Variants in CHCHD6 observed in about 807,000 individuals in gnomAD.
The protein encoded by CHCHD6 is MICOS complex subunit MIC25.
In CHCHD6, 28 loss-of-function variants were observed where a neutral mutation model predicts 32.3. That is an observed-to-expected ratio of 0.87 (90% confidence interval 0.64 to 1.19). The LOEUF (loss-of-function observed/expected upper bound fraction) is 1.19. Ranked by LOEUF, CHCHD6 falls within the 50% of genes most tolerant of loss-of-function variation. The pLI is 0.00. For synonymous variants in CHCHD6, 122 were observed against 117.5 expected (o/e 1.04, Z -0.25); for missense variants, 333 against 307.0 (o/e 1.08, Z -0.63).
At chr3:126,920,941 A>G (rs533987328) in intron 6 of CHCHD6, among the ~76,000 whole-genome samples, 97 of 152,104 alleles carry the variant, frequency 6.4e-4, no homozygotes, top group Non-Finnish European at 1.2e-3. Context: ...ATGCCTTCCC[A>G]CAGATTTTTT....
chr3:126,913,212 T>C (rs2078120429), intron 5 of CHCHD6, among the ~76,000 whole-genome samples: 1 of 21,896 alleles, frequency 4.6e-5, no homozygotes. Flanking sequence ...TGAGCCTTTT[T>C]TTTTTTTTTT....
intron 5 of CHCHD6, among the ~76,000 whole-genome samples, chr3:126,863,905 T>A (rs1333748025): frequency 8.4e-6 from 1 of 119,010 alleles, no homozygotes; most frequent in Non-Finnish European, 1.7e-5. Flanking sequence ...CATCAACACC[T>A]CCTCCTCCTC....
chr3:126,753,185 A>ATT (rs1015709791), intron 4 of CHCHD6, among the ~76,000 whole-genome samples: 1 of 151,734 alleles, frequency 6.6e-6, no homozygotes, highest in Non-Finnish European at 1.5e-5. Context: ...AGCCAAGGGG[A>ATT]TTTTTTCAGG....
At chr3:126,904,415 A>T (rs746463573) in intron 5 of CHCHD6, among the ~76,000 whole-genome samples, 17 of 152,206 alleles carry the variant, frequency 1.1e-4, no homozygotes, top group Non-Finnish European at 2.1e-4. Flanking sequence ...TTCTGGGATG[A>T]TGCTCAGCAC....
intron 4 of CHCHD6, among the ~76,000 whole-genome samples, chr3:126,798,512 C>T (rs545320516): frequency 5.3e-5 from 8 of 152,158 alleles, no homozygotes; most frequent in Non-Finnish European, 8.8e-5. Context: ...TTCTTTTCCC[C>T]GCTGTTTTTC....
At chr3:126,942,106 C>G (rs2078569466) in intron 6 of CHCHD6, among the ~76,000 whole-genome samples, 1 of 152,156 alleles carries the variant, frequency 6.6e-6, no homozygotes, top group Non-Finnish European at 1.5e-5. Context: ...TCCTCATGAC[C>G]AGACTCAAGC....
intron 4 of CHCHD6, among the ~76,000 whole-genome samples, chr3:126,799,792 G>T (rs547692656): frequency 1.3e-5 from 2 of 152,098 alleles, no homozygotes; most frequent in African/African-American, 4.8e-5. Flanking sequence ...AGAATACCAC[G>T]GCCTGGAGAA....
At chr3:126,805,722 A>C (rs1397870147) in intron 4 of CHCHD6, among the ~76,000 whole-genome samples, 2 of 152,236 alleles carry the variant, frequency 1.3e-5, no homozygotes, top group Non-Finnish European at 2.9e-5. Flanking sequence ...ATATGGAACC[A>C]AAAAAGAGCC....
rs777514199 is a variant in CHCHD6, at chr3:126,730,642, A to C, written c.266+12A>C. ...GAGGGTGTCAAGAGGTGAGCCCGAG[A>C]GCCTGCTTGCTCCCGGCACTGCGCT... On this transcript the variant is annotated intron_variant, in intron 3 of 7. Coordinates refer to ENST00000290913, the MANE Select transcript of CHCHD6 (RefSeq NM_032343.3). The C allele has an allele frequency of 1.9e-6, 3 of 1,612,466 alleles. No homozygotes were observed.
chr3:126,922,346 C>G (rs2078262951), intron 6 of CHCHD6, among the ~76,000 whole-genome samples: 1 of 152,330 alleles, frequency 6.6e-6, no homozygotes, highest in Middle Eastern at 3.4e-3. Context: ...GTTTCCCGGT[C>G]TGTAAAACAG....
chr3:126,900,989 C>T (rs551077487), intron 5 of CHCHD6, among the ~76,000 whole-genome samples: 10 of 152,176 alleles, frequency 6.6e-5, no homozygotes, highest in East Asian at 3.9e-4. Context: ...ATGGGGGATC[C>T]GCCCTCATGA....
chr3:126,927,488 C>T (rs1023862988), intron 6 of CHCHD6, among the ~76,000 whole-genome samples: 12 of 152,338 alleles, frequency 7.9e-5, no homozygotes, highest in African/African-American at 2.6e-4. Flanking sequence ...AGGGCAGCCC[C>T]ACTGTGCACA....
rs1935745710 is a variant in CHCHD6, at chr3:126,730,562, A to G, written c.198A>G (p.Glu66=). The change falls in exon 3 of 8, where the codon GAA becomes GAG. Residue 66 remains glutamate (E), a splice_region_variant and synonymous_variant. Transcript: ENST00000290913. The part of the protein sequence containing the change: ...QDGNLRAPHK[E]STLPRSGSSG... ...CCCTTTCTTCTCTTTCCTTTGCAGA[A>G]TCCACACTGCCCAGGTCGGGGAGCA... is the stretch of plus-strand genomic sequence containing the variant. 2 of 1,613,480 alleles carry G rather than the reference A, an allele frequency of 1.2e-6. No homozygotes were observed. Among genetic ancestry groups the G allele is most frequent in the African/African-American group, 2.7e-5 (2 of 74,996 alleles).
intron 5 of CHCHD6, among the ~76,000 whole-genome samples, chr3:126,884,221 A>T (rs2077649899): frequency 1.3e-5 from 2 of 152,146 alleles, no homozygotes; most frequent in African/African-American, 4.8e-5. Flanking sequence ...GCACTTGGGG[A>T]TGGCATACAG....
intron 3 of CHCHD6, among the ~76,000 whole-genome samples, chr3:126,731,430 T>C (rs911382032): frequency 6.6e-6 from 1 of 152,246 alleles, no homozygotes; most frequent in East Asian, 1.9e-4. Context: ...TTACTAGTTA[T>C]GTGAACTTGA....
intron 5 of CHCHD6, among the ~76,000 whole-genome samples, chr3:126,897,587 A>T (rs2077859428): frequency 6.6e-6 from 1 of 152,162 alleles, no homozygotes; most frequent in African/African-American, 2.4e-5. Flanking sequence ...TCTTTCCTCC[A>T]CTACTCACTG....
chr3:126,737,911 G>A (rs1448410572), intron 4 of CHCHD6, among the ~76,000 whole-genome samples: 1 of 152,086 alleles, frequency 6.6e-6, no homozygotes, highest in Non-Finnish European at 1.5e-5. Context: ...CTGTGGAATG[G>A]TTTTCTGAAC....
At chr3:126,914,589 G>A (rs919003251) in intron 5 of CHCHD6, 91 bp from the exon 6 acceptor site, 13 of 782,820 alleles carry the variant, frequency 1.7e-5, no homozygotes, top group East Asian at 4.9e-5. Flanking sequence ...CAAGAAATTA[G>A]CATCTGTCAA....
chr3:126,913,229 TTTTTTTTTTTTTTTTG>T (rs2078120760), intron 5 of CHCHD6, among the ~76,000 whole-genome samples: 5 of 131,678 alleles, frequency 3.8e-5, no homozygotes, highest in Admixed American at 7.7e-5. Context: ...TTTTTTTTTT[TTTTTTTTTTTTTTTTG>T]GGAGACGGAG....
Sources: allele counts gnomAD v4.1 joint callset (sites outside exome capture counted in the v4.1 genomes callset), GRCh38; gene constraint gnomAD v4.1.1; transcripts MANE v1.5; gene names NCBI Gene and HGNC (gene_info 2026-07-23, HGNC 2026-07-21).